PRKG1: variants seen among roughly 807,000 people sequenced by gnomAD.
PRKG1 encodes the protein protein kinase cGMP-dependent 1.
Under a neutral mutation model 88.1 loss-of-function variants are expected in PRKG1, and 35 were observed. That is an observed-to-expected ratio of 0.40 (90% CI 0.30 to 0.53). PRKG1 has a LOEUF of 0.53. Among genes scored for constraint, PRKG1 ranks in the 20% least tolerant of loss-of-function variants. The pLI is 0.59. For missense variants in PRKG1, 540 were observed against 839.8 expected, an observed-to-expected ratio of 0.64 and a Z score of 4.41; for synonymous variants, 303 against 292.5, an observed-to-expected ratio of 1.04 and a Z score of -0.37.
intron 2 of PRKG1, among the ~76,000 whole-genome samples, chr10:51,454,391 A>AC (rs1839522853): frequency 6.6e-6 from 1 of 152,154 alleles, no homozygotes; most frequent in Non-Finnish European, 1.5e-5. Flanking sequence ...TGGTAAAAAA[A>AC]AATAGGCCAT....
At chr10:51,676,121 A>C (rs1432134524) in intron 3 of PRKG1, among the ~76,000 whole-genome samples, 1 of 152,106 alleles carries the variant, frequency 6.6e-6, no homozygotes, top group African/African-American at 2.4e-5. Context: ...CAAAAAAAAA[A>C]AGAAAAGCAA....
intron 4 of PRKG1, among the ~76,000 whole-genome samples, chr10:51,836,612 A>G (rs770320507): frequency 7.2e-5 from 11 of 152,130 alleles, no homozygotes; most frequent in Non-Finnish European, 1.0e-4. Context: ...ACAAAGGTCT[A>G]TTTTCATTCT....
chr10:51,029,093 A>T (rs1843244928), intron 1 of PRKG1, among the ~76,000 whole-genome samples: 1 of 152,166 alleles, frequency 6.6e-6, no homozygotes, highest in Non-Finnish European at 1.5e-5. Context: ...GGTGTCAGAT[A>T]TTAAATTTGC....
At chr10:51,134,271 T>G (rs944250305) in intron 1 of PRKG1, among the ~76,000 whole-genome samples, 2 of 152,148 alleles carry the variant, frequency 1.3e-5, no homozygotes, top group African/African-American at 4.8e-5. Context: ...TAAAATCTGT[T>G]TGCAGATGTG....
intron 1 of PRKG1, among the ~76,000 whole-genome samples, chr10:51,023,456 G>A (rs991669181): frequency 3.9e-5 from 6 of 152,122 alleles, no homozygotes; most frequent in Admixed American, 3.3e-4. Flanking sequence ...GCATTGAGAA[G>A]TTTGGTACAA....
At chr10:52,131,478 AG>A (rs1345459302) in intron 7 of PRKG1, among the ~76,000 whole-genome samples, 2 of 152,002 alleles carry the variant, frequency 1.3e-5, no homozygotes, top group Non-Finnish European at 2.9e-5. Context: ...ACTAAGCAAA[AG>A]TTAGAGAGGA....
In PRKG1 at chr10:51,950,318, G is replaced by GAAA. The variant is rs1030007863; in HGVS notation, c.762+42752_762+42754dup. On this transcript the variant is annotated intron_variant, in intron 5 of 17. Coordinates refer to ENST00000373980, the MANE Select transcript of PRKG1 (RefSeq NM_006258.4). ...CTCTTAGTGATTAATATAAACTAGA[G>GAAA]AAAAAACAAGTGATAAACTACAGAT... Among the ~76,000 whole-genome samples the GAAA allele has an allele frequency of 4.5e-4, 69 of 152,286 alleles. 1 individual carries two copies. Among genetic ancestry groups the GAAA allele is most frequent in the Admixed American group, 4.1e-3 (62 of 15,298 alleles).
chr10:51,197,089 T>C (rs1317149570), intron 2 of PRKG1, among the ~76,000 whole-genome samples: 1 of 152,082 alleles, frequency 6.6e-6, no homozygotes, highest in Non-Finnish European at 1.5e-5. Flanking sequence ...CTTTAATTGG[T>C]ACAGTACCTA....
intron 8 of PRKG1, among the ~76,000 whole-genome samples, chr10:52,156,054 G>A (rs1324739442): frequency 6.6e-6 from 1 of 151,922 alleles, no homozygotes; most frequent in Admixed American, 6.6e-5. Context: ...TTTAAATGAA[G>A]TGTTTGTTAT....
intron 1 of PRKG1, among the ~76,000 whole-genome samples, chr10:51,139,680 C>A (rs1228127543): frequency 1.3e-5 from 2 of 152,210 alleles, no homozygotes; most frequent in African/African-American, 2.4e-5. Context: ...GCAAAATATA[C>A]TTTCAAGTTA....
At chr10:51,866,934 G>T (rs563155595) in intron 4 of PRKG1, among the ~76,000 whole-genome samples, 50 of 152,128 alleles carry the variant, frequency 3.3e-4, no homozygotes, top group Non-Finnish European at 5.7e-4. Context: ...GGGGAAGACA[G>T]ACAATTACTT....
intron 2 of PRKG1, among the ~76,000 whole-genome samples, chr10:51,355,915 T>G (rs1471129710): frequency 6.6e-6 from 1 of 152,016 alleles, no homozygotes; most frequent in South Asian, 2.1e-4. Flanking sequence ...TTTCACAGAG[T>G]ATTGCAGATT....
At chr10:51,067,577 T>C (rs1564587103) in intron 1 of PRKG1, among the ~76,000 whole-genome samples, 1 of 152,026 alleles carries the variant, frequency 6.6e-6, no homozygotes, top group Admixed American at 6.6e-5. Flanking sequence ...GTAGTCAACA[T>C]AGATGATTTT....
At chr10:51,034,286 G>C (rs1021459837) in intron 1 of PRKG1, among the ~76,000 whole-genome samples, 10 of 152,180 alleles carry the variant, frequency 6.6e-5, no homozygotes, top group African/African-American at 2.4e-4. Context: ...ATCAGGACAG[G>C]AACTAGTGGA....
intron 7 of PRKG1, among the ~76,000 whole-genome samples, chr10:52,131,937 G>A (rs1263616826): frequency 1.3e-5 from 2 of 150,744 alleles, no homozygotes; most frequent in African/African-American, 4.9e-5. Context: ...AAATTTTAGA[G>A]TTAAGATGAT....
intron 2 of PRKG1, among the ~76,000 whole-genome samples, chr10:51,179,700 G>A (rs1837295444): frequency 6.6e-6 from 1 of 152,090 alleles, no homozygotes; most frequent in South Asian, 2.1e-4. Context: ...CAGTCCCTCA[G>A]ACACCTGTTA....
intron 10 of PRKG1, chr10:52,252,958 G>C (rs1363283470): frequency 6.6e-6 from 1 of 151,766 alleles, no homozygotes; most frequent in African/African-American, 2.4e-5. Flanking sequence ...AATCATAATT[G>C]TCTGTATAGC....
intron 4 of PRKG1, among the ~76,000 whole-genome samples, chr10:51,867,619 C>T (rs992108212): frequency 2.0e-5 from 3 of 152,032 alleles, no homozygotes; most frequent in Admixed American, 6.6e-5. Flanking sequence ...AGGAAACTGC[C>T]CAGCTTGGGT....
intron 4 of PRKG1, among the ~76,000 whole-genome samples, chr10:51,862,257 A>C (rs540648158): frequency 1.2e-4 from 18 of 152,190 alleles, no homozygotes; most frequent in Non-Finnish European, 2.2e-4. Context: ...CAGCTCATTT[A>C]GTCCTGGTGC....
Sources: allele counts gnomAD v4.1 joint callset (sites outside exome capture counted in the v4.1 genomes callset), GRCh38; gene constraint gnomAD v4.1.1; transcripts MANE v1.5; gene names NCBI Gene and HGNC (gene_info 2026-07-23, HGNC 2026-07-21).